The following MAP2K1 variants were observed in gnomAD, a reference collection of about 807,000 sequenced individuals.
The protein encoded by MAP2K1 is dual specificity mitogen-activated protein kinase kinase 1.
MAP2K1 carries 16 observed loss-of-function variants against 46.3 expected under a neutral mutation model. The observed-to-expected ratio is 0.35, with a 90% confidence interval of 0.23 to 0.52. The LOEUF (loss-of-function observed/expected upper bound fraction) is 0.52. Ranked by LOEUF, MAP2K1 falls within the 20% of genes least tolerant of loss-of-function variation. The probability of loss-of-function intolerance (pLI) is 0.94; values close to 1 mark genes in which losing one functional copy is unlikely to be tolerated. For missense variants in MAP2K1, 263 were observed against 497.1 expected, an observed-to-expected ratio of 0.53 and a Z score of 4.48; for synonymous variants, 183 against 185.6, an observed-to-expected ratio of 0.99 and a Z score of 0.11.
intron 5 of MAP2K1, among the ~76,000 whole-genome samples, chr15:66,458,660 A>G (rs1392932253): frequency 6.6e-6 from 1 of 152,116 alleles, no homozygotes; most frequent in East Asian, 1.9e-4. Context: ...AGGACTACAA[A>G]TATGTGCTAT....
In MAP2K1 at chr15:66,489,286, C is replaced by T. The variant is rs397516787; in HGVS notation, c.1022+10C>T. The T allele has an allele frequency of 9.9e-6, 16 of 1,611,626 alleles. No homozygotes were observed. The highest frequency in any genetic ancestry group is 1.3e-5 in the Non-Finnish European group (15 of 1,177,736). ...ATTTTGTGAATAAATGGTAAGTTGGCTCCTTGTTCTCTGGAAGCGTATACT... is the reference window on the plus strand; with the variant it reads ...ATTTTGTGAATAAATGGTAAGTTGGTTCCTTGTTCTCTGGAAGCGTATACT... On this transcript the variant is annotated intron_variant, in intron 9 of 10. Coordinates refer to ENST00000307102, the MANE Select transcript of MAP2K1 (RefSeq NM_002755.4).
intron 1 of MAP2K1, among the ~76,000 whole-genome samples, chr15:66,434,577 A>G (rs2093482674): frequency 1.3e-5 from 2 of 152,162 alleles, no homozygotes; most frequent in African/African-American, 4.8e-5. Context: ...GAGGATTTCT[A>G]CTGTTGTGAT....
intron 1 of MAP2K1, among the ~76,000 whole-genome samples, chr15:66,389,104 C>G (rs1474121820): frequency 6.6e-6 from 1 of 151,840 alleles, no homozygotes; most frequent in Non-Finnish European, 1.5e-5. Flanking sequence ...TGGGGTTTCT[C>G]CAAGTTGTTC....
At chr15:66,441,502 A>C (rs908960916) in intron 3 of MAP2K1, among the ~76,000 whole-genome samples, 4 of 151,762 alleles carry the variant, frequency 2.6e-5, no homozygotes, top group Non-Finnish European at 4.4e-5. Flanking sequence ...GAGACTCCCC[A>C]TCTACAAAAA....
intron 5 of MAP2K1, among the ~76,000 whole-genome samples, chr15:66,468,419 A>G (rs1892521094): frequency 6.6e-6 from 1 of 152,204 alleles, no homozygotes. Context: ...TTTACATCAT[A>G]AAGTACAGAG....
At chr15:66,434,655 C>CA (rs2093482864) in intron 1 of MAP2K1, among the ~76,000 whole-genome samples, 1 of 152,060 alleles carries the variant, frequency 6.6e-6, no homozygotes, top group African/African-American at 2.4e-5. Context: ...ATGGTAAAAA[C>CA]AATAAAACCA....
At chr15:66,392,902 A>G (rs2093360026) in intron 1 of MAP2K1, among the ~76,000 whole-genome samples, 1 of 152,140 alleles carries the variant, frequency 6.6e-6, no homozygotes, top group Non-Finnish European at 1.5e-5. Flanking sequence ...TCATGATGCT[A>G]TACAATATGT....
At chr15:66,472,467 G>A (rs547831691) in intron 5 of MAP2K1, among the ~76,000 whole-genome samples, 146 of 152,284 alleles carry the variant, frequency 9.6e-4, no homozygotes, top group Admixed American at 2.5e-3. Context: ...AAAGTTCTGA[G>A]TGAGGACTCC....
At chr15:66,463,628 G>A (rs1039601892) in intron 5 of MAP2K1, among the ~76,000 whole-genome samples, 8 of 152,120 alleles carry the variant, frequency 5.3e-5, no homozygotes, top group Non-Finnish European at 1.0e-4. Context: ...GATTACAGGC[G>A]CCTGCCACTA....
chr15:66,398,139 A>G (rs2093372676), intron 1 of MAP2K1, among the ~76,000 whole-genome samples: 1 of 150,482 alleles, frequency 6.6e-6, no homozygotes, highest in Admixed American at 6.6e-5. Context: ...GCATGGTGGC[A>G]CACACCTGTA....
chr15:66,448,245 T>C (rs527959428), intron 5 of MAP2K1, among the ~76,000 whole-genome samples: 1 of 151,886 alleles, frequency 6.6e-6, no homozygotes, highest in Non-Finnish European at 1.5e-5. Flanking sequence ...GTTTGACTAC[T>C]CTAGGTACCT....
Position 66,482,573 on chromosome 15 carries a change from G to C in MAP2K1, c.693+694G>C, listed in dbSNP as rs1595885095. On this transcript the variant is annotated intron_variant, in intron 6 of 10. Transcript: ENST00000307102. Reference sequence around the variant, plus strand: ...ACACTGTCACCAGAGCATTGTGTGGGGCCATCCTCACACTATGGCAGCACC... The same window carrying C: ...ACACTGTCACCAGAGCATTGTGTGGCGCCATCCTCACACTATGGCAGCACC... 5.9e-5 allele frequency among the ~76,000 whole-genome samples: 9 copies of C among 152,164 alleles called. No homozygotes were observed. The South Asian group carries it at 1.9e-3, about 32-fold the overall frequency.
intron 1 of MAP2K1, among the ~76,000 whole-genome samples, chr15:66,404,567 A>G (rs2093391381): frequency 6.6e-6 from 1 of 152,166 alleles, no homozygotes; most frequent in Admixed American, 6.5e-5. Flanking sequence ...TCACTGAATA[A>G]TTTTTTAAAA....
intron 5 of MAP2K1, among the ~76,000 whole-genome samples, chr15:66,470,783 G>A (rs1157244327): frequency 6.6e-6 from 1 of 152,124 alleles, no homozygotes. Flanking sequence ...ACTGAGACAG[G>A]TCTCAGTTAA....
intron 5 of MAP2K1, among the ~76,000 whole-genome samples, chr15:66,462,782 A>G (rs1276300820): frequency 1.3e-5 from 2 of 152,144 alleles, no homozygotes; most frequent in Middle Eastern, 3.2e-3. Flanking sequence ...TTGGTTACAC[A>G]TAACAGAAAC....
chr15:66,390,343 G>T (rs1029647714), intron 1 of MAP2K1, among the ~76,000 whole-genome samples: 12 of 152,200 alleles, frequency 7.9e-5, no homozygotes, highest in Non-Finnish European at 1.3e-4. Flanking sequence ...CCAGCAGAAA[G>T]AATTCTGTTG....
chr15:66,413,266 C>T (rs1361746898), intron 1 of MAP2K1, among the ~76,000 whole-genome samples: 2 of 152,192 alleles, frequency 1.3e-5, no homozygotes, highest in Non-Finnish European at 2.9e-5. Flanking sequence ...CTGAAGCATT[C>T]TGGGCTGGTG....
intron 1 of MAP2K1, among the ~76,000 whole-genome samples, chr15:66,403,992 A>G (rs934679836): frequency 2.0e-5 from 3 of 152,170 alleles, no homozygotes; most frequent in African/African-American, 7.2e-5. Context: ...CCAGATAGAA[A>G]TTCTACCAAA....
chr15:66,482,980 T>G (rs1260097284), intron 6 of MAP2K1, among the ~76,000 whole-genome samples: 2 of 152,138 alleles, frequency 1.3e-5, no homozygotes, highest in African/African-American at 4.8e-5. Context: ...GTCATGTCCC[T>G]GGAAGGTCTC....
Sources: allele counts gnomAD v4.1 joint callset (sites outside exome capture counted in the v4.1 genomes callset), GRCh38; gene constraint gnomAD v4.1.1; transcripts MANE v1.5; gene names NCBI Gene and HGNC (gene_info 2026-07-23, HGNC 2026-07-21).